Variants in VGLL2 observed in about 807,000 individuals in gnomAD.
The protein encoded by VGLL2 is vestigial like family member 2.
VGLL2 carries 18 observed loss-of-function variants against 27.0 expected under a neutral mutation model. The ratio of observed to expected loss-of-function variants is 0.67; its 90% CI spans 0.46 to 0.99. The LOEUF is 0.99. Ranked by LOEUF, VGLL2 falls within the 50% of genes least tolerant of loss-of-function variation. The probability of loss-of-function intolerance (pLI) is 0.00; values close to 1 mark genes in which losing one functional copy is unlikely to be tolerated. For missense variants in VGLL2, 491 were observed against 452.3 expected (o/e 1.09, Z -0.78); for synonymous variants, 220 against 201.1 (o/e 1.09, Z -0.80).
chr6:117,271,327 A>G (rs112416917), intron 3 of VGLL2, among the ~76,000 whole-genome samples: 6,119 of 139,172 alleles, frequency 0.044, 214 homozygotes, highest in East Asian at 0.12. Context: ...TAATAATGAT[A>G]ATAATAATAA....
At position 117,270,598 on chromosome 6, in the gene VGLL2, G is replaced by C; in HGVS notation, c.447G>C (p.Ala149=). 5 of 1,588,036 alleles carry C rather than the reference G, an allele frequency of 3.1e-6. No individual in the cohort carries two copies. The highest frequency in any genetic ancestry group is 1.1e-5 in the South Asian group (1 of 88,668). Residue 149 remains alanine (A), a synonymous_variant, in exon 3 of 4, where the codon GCG becomes GCC. Transcript: ENST00000326274. ...RSFPASFWNS[A]YQAPVPPPLG... ...TCCCCGCCTCCTTCTGGAATAGCGC[G>C]TACCAGGCGCCAGTGCCCCCGCCGC... is the stretch of plus-strand genomic sequence containing the variant.
At chr6:117,267,914 G>C (rs1773101059) in intron 1 of VGLL2, among the ~76,000 whole-genome samples, 1 of 152,160 alleles carries the variant, frequency 6.6e-6, no homozygotes, top group Non-Finnish European at 1.5e-5. Context: ...CCTTCACCCA[G>C]ACATTTTAGG....
Position 117,272,663 on chromosome 6 carries a change from A to T in VGLL2, c.*169A>T. The T allele has an allele frequency of 1.1e-6, 1 of 932,900 alleles. No homozygotes were observed. Among genetic ancestry groups the T allele is most frequent in the Admixed American group, 2.7e-5 (1 of 36,684 alleles). The allele number at this position is 932,900 out of a possible 1,614,324, so 57.8% of individuals were successfully genotyped here. On this transcript the variant is annotated 3_prime_UTR_variant, in exon 4 of 4. Transcript: ENST00000326274. Reference sequence around the variant, plus strand: ...CAACTACAGAAATTCATCTAAAAATAAGTCCTGCTGCTGAAAGAGCAAATC... The same window carrying T: ...CAACTACAGAAATTCATCTAAAAATTAGTCCTGCTGCTGAAAGAGCAAATC...
intron 2 of VGLL2, among the ~76,000 whole-genome samples, chr6:117,269,585 T>C (rs1361979412): frequency 6.6e-6 from 1 of 152,166 alleles, no homozygotes; most frequent in Non-Finnish European, 1.5e-5. Context: ...AGAATGCATT[T>C]TCAAATCATT....
Position 117,268,417 on chromosome 6 carries a change from C to A in VGLL2, c.317C>A (p.Ala106Asp). Residue 106 changes from alanine to aspartate, a missense_variant, in exon 2 of 4, where the codon GCC (alanine) becomes GAC (aspartate). By Grantham distance (126) the Ala-to-Asp change is moderately radical. Transcript: ENST00000326274. The stretch of plus-strand genomic sequence containing the variant: ...GTGGTGGATGAACATTTCAGCAGGG[C>A]CCTGAGCCAACCCAGCAGCTACTCT... Reference protein sequence around the residue: ...SSVVDEHFSRALSQPSSYSPS... With the variant: ...SSVVDEHFSRDLSQPSSYSPS... The A allele has an allele frequency of 6.2e-7, 1 of 1,614,120 alleles. No individual in the cohort carries two copies. The highest frequency in any genetic ancestry group is 8.5e-7 in the Non-Finnish European group (1 of 1,180,022).
chr6:117,270,762 C>T lies in VGLL2; in HGVS notation c.611C>T (p.Pro204Leu), dbSNP rs780538916. ...CACGCGCACCCGCACCACGCGCACC[C>T]GCATCACCCCTACGCCCTGGGCGGC... is the stretch of plus-strand genomic sequence containing the variant. ...WHHAHPHHAH[P>L]HHPYALGGAL... Residue 204 changes from proline (P) to leucine (L), a missense_variant, in exon 3 of 4, where the codon CCG becomes CTG. By Grantham distance (98) the Pro-to-Leu change is moderately conservative. Transcript: ENST00000326274. 4.7e-6 allele frequency: 7 copies of T among 1,499,596 alleles called. No individual in the cohort carries two copies. The South Asian group carries it at 7.4e-5, about 16-fold the overall frequency. The allele number at this position is 1,499,596 out of a possible 1,614,324, so 92.9% of individuals were successfully genotyped here.
rs1773184427 is a variant in VGLL2 at position 117,271,025 on chromosome 6, G to A, written c.874G>A (p.Gly292Arg). Residue 292 changes from glycine (G) to arginine (R), a missense_variant, in exon 3 of 4, where the codon GGG becomes AGG. Gly to Arg is a moderately radical substitution (Grantham distance 125). Coordinates refer to ENST00000326274, the MANE Select transcript of VGLL2 (RefSeq NM_182645.3). ...GPGGPFASPS[G>R]DVAQGLGLSV... ...CGGGGGACCCTTCGCGAGCCCCTCG[G>A]GGGACGTGGCCCAGGGTCTGGGCCT... The A allele has an allele frequency of 2.4e-6, 3 of 1,232,768 alleles. No homozygotes were observed. The highest frequency in any genetic ancestry group is 3.0e-6 in the Non-Finnish European group (3 of 990,556). The allele number at this position is 1,232,768 out of a possible 1,614,324, so 76.4% of individuals were successfully genotyped here.
chr6:117,270,870 GGCCGCTGCTGATGCCA>G lies in VGLL2; in HGVS notation c.725_740del (p.Leu242ProfsTer70). 1 of 1,371,696 alleles carries G rather than the reference GGCCGCTGCTGATGCCA, an allele frequency of 7.3e-7. No homozygotes were observed. Among genetic ancestry groups the G allele is most frequent in the Non-Finnish European group, 9.4e-7 (1 of 1,060,082 alleles). 85.0% of individuals were successfully genotyped at this position (1,371,696 alleles called of 1,614,324 possible). A position where few individuals can be genotyped will look rare whatever the true frequency, so the allele number is the denominator to read the frequency against. ...GCGCCGCACTTCGACCCGCGCTATGGGCCGCTGCTGATGCCAGCCGCCTCGGGGCGCCCGGCCCGCC... is the reference window on the plus strand; with the variant it reads ...GCGCCGCACTTCGACCCGCGCTATGGGCCGCCTCGGGGCGCCCGGCCCGCC... On this transcript the variant is annotated frameshift_variant, in exon 3 of 4. Transcript: ENST00000326274.
chr6:117,268,308 C>G lies in VGLL2; in HGVS notation c.208C>G (p.Pro70Ala). 6.2e-7 allele frequency: 1 copy of G among 1,614,146 alleles called. No individual in the cohort carries two copies. The highest frequency in any genetic ancestry group is 8.5e-7 in the Non-Finnish European group (1 of 1,180,030). ...CAGTATAAAAGAGGAAGAAGGCAGC[C>G]CAGAGAAAGAGCGCCCACCAGAGGC... ...PASIKEEEGS[P>A]EKERPPEAEY... is the part of the protein sequence containing the mutation. Residue 70 changes from proline to alanine, a missense_variant, in exon 2 of 4, where the codon CCA (proline) becomes GCA (alanine). Pro to Ala is a conservative substitution (Grantham distance 27). Transcript: ENST00000326274.
intron 1 of VGLL2, 40 bp from the exon 2 acceptor site, chr6:117,268,142 T>C: frequency 6.3e-7 from 1 of 1,596,768 alleles, no homozygotes; most frequent in Non-Finnish European, 8.5e-7. Flanking sequence ...TTGCCATCGC[T>C]TTTGAAATTG....
At position 117,265,697 on chromosome 6, in the gene VGLL2, G is replaced by C; in HGVS notation, c.-67G>C. ...CGCGGGTCCAAGCGCCGCCCATGCA[G>C]CACCCCTGAGCTCCGGGGAAGGAGA... On this transcript the variant is annotated 5_prime_UTR_variant, in exon 1 of 4. Coordinates refer to ENST00000326274, the MANE Select transcript of VGLL2 (RefSeq NM_182645.3). 7.1e-7 allele frequency: 1 copy of C among 1,400,328 alleles called. No individual in the cohort carries two copies. The allele number at this position is 1,400,328 out of a possible 1,614,324, so 86.7% of individuals were successfully genotyped here. A position where few individuals can be genotyped will look rare whatever the true frequency, so the allele number is the denominator to read the frequency against.
At chr6:117,269,810 G>T (rs1773142925) in intron 2 of VGLL2, among the ~76,000 whole-genome samples, 1 of 152,084 alleles carries the variant, frequency 6.6e-6, no homozygotes, top group African/African-American at 2.4e-5. Context: ...TCCTCGTTTT[G>T]ATACAAAAGT....
chr6:117,265,977 G>A (rs1268514883), intron 1 of VGLL2, 133 bp downstream of exon 1: 3 of 792,594 alleles, frequency 3.8e-6, no homozygotes, highest in Non-Finnish European at 4.2e-6. Flanking sequence ...GCCGGGATGC[G>A]GGGATTGCCG....
intron 1 of VGLL2, 41 bp downstream of exon 1, chr6:117,265,885 C>G (rs766453613): frequency 6.3e-7 from 1 of 1,577,660 alleles, no homozygotes; most frequent in East Asian, 2.2e-5. Context: ...GAGTGCGCGC[C>G]CCCCGTTTGC....
Position 117,268,500 on chromosome 6 carries a change from A to C in VGLL2, c.391+9A>C. The C allele has an allele frequency of 6.3e-7, 1 of 1,591,876 alleles. No individual in the cohort carries two copies. Among genetic ancestry groups the C allele is most frequent in the East Asian group, 2.3e-5 (1 of 43,690 alleles). Reference sequence around the variant, plus strand: ...CTCTGGGCCCTGGCGAGGTGAGTATAGGGCCCTGCTGGGAAGGACCCATAG... The same window carrying C: ...CTCTGGGCCCTGGCGAGGTGAGTATCGGGCCCTGCTGGGAAGGACCCATAG... On this transcript the variant is annotated intron_variant, in intron 2 of 3. Coordinates refer to ENST00000326274, the MANE Select transcript of VGLL2 (RefSeq NM_182645.3).
At chr6:117,266,623 G>A (rs1237754369) in intron 1 of VGLL2, among the ~76,000 whole-genome samples, 1 of 152,140 alleles carries the variant, frequency 6.6e-6, no homozygotes, top group African/African-American at 2.4e-5. Context: ...TTGTCTTCAG[G>A]CTGCGTCTGT....
chr6:117,270,632 C>G lies in VGLL2; in HGVS notation c.481C>G (p.Pro161Ala). The G allele has an allele frequency of 6.3e-7, 1 of 1,587,000 alleles. No individual in the cohort carries two copies. The highest frequency in any genetic ancestry group is 8.5e-7 in the Non-Finnish European group (1 of 1,172,118). The stretch of plus-strand genomic sequence containing the variant: ...GCCAGTGCCCCCGCCGCTGGGCAGC[C>G]CTCTGGCCACCGCGCACTCGGAGCT... ...QAPVPPPLGS[P>A]LATAHSELPF... The change falls in exon 3 of 4, where the codon CCT (proline) becomes GCT (alanine). Residue 161 changes from proline (P) to alanine (A), a missense_variant. Transcript: ENST00000326274.
At position 117,265,609 on chromosome 6, in the gene VGLL2, G is replaced by A. The variant is rs1411459930; in HGVS notation, c.-155G>A. The A allele has an allele frequency of 6.0e-6, 4 of 662,980 alleles. No homozygotes were observed. Among genetic ancestry groups the A allele is most frequent in the Non-Finnish European group, 1.1e-5 (4 of 371,106 alleles). 41.1% of individuals were successfully genotyped at this position (662,980 alleles called of 1,614,324 possible). ...GTAAAATCGCAGGAGTGGGAGGGTA[G>A]CGAGCCAGCTGGATTCCGAGCCGCG... On this transcript the variant is annotated 5_prime_UTR_variant, in exon 1 of 4. Coordinates refer to ENST00000326274, the MANE Select transcript of VGLL2 (RefSeq NM_182645.3).
chr6:117,272,635 C>A lies in VGLL2; in HGVS notation c.*141C>A. The A allele has an allele frequency of 8.6e-7, 1 of 1,161,620 alleles. No homozygotes were observed. The highest frequency in any genetic ancestry group is 1.2e-6 in the Non-Finnish European group (1 of 816,548). The allele number at this position is 1,161,620 out of a possible 1,614,324, so 72.0% of individuals were successfully genotyped here. On this transcript the variant is annotated 3_prime_UTR_variant, in exon 4 of 4. Transcript: ENST00000326274. ...CTCAGTGTGTTGGGAAAACCAAAAA[C>A]CACAACTACAGAAATTCATCTAAAA...
Sources: gnomAD v4.1 joint callset for allele counts (sites outside exome capture counted in the v4.1 genomes callset) on GRCh38, gnomAD v4.1.1 for gene constraint, MANE v1.5 for transcripts, NCBI Gene and HGNC (gene_info 2026-07-23, HGNC 2026-07-21) for gene names.